SYT1: variants seen among roughly 807,000 people sequenced by gnomAD.
SYT1 encodes synaptotagmin 1.
In SYT1, 8 loss-of-function variants were observed where a neutral mutation model predicts 44.8. That is an observed-to-expected ratio of 0.18 (90% CI 0.10 to 0.32). The LOEUF (loss-of-function observed/expected upper bound fraction) is 0.32. SYT1 is among the 10% of genes least tolerant of loss of function. The pLI is 1.00. For missense variants in SYT1, 286 were observed against 509.3 expected (o/e 0.56, Z 4.22); for synonymous variants, 154 against 188.8 (o/e 0.82, Z 1.51).
chr12:78,942,984 C>T (rs1380410193), intron 1 of SYT1, among the ~76,000 whole-genome samples: 2 of 152,192 alleles, frequency 1.3e-5, no homozygotes. Context: ...CTGACCAGGG[C>T]TTTCCTATGT....
intron 4 of SYT1, among the ~76,000 whole-genome samples, chr12:79,280,924 A>C (rs184421186): frequency 1.2e-4 from 19 of 152,132 alleles, no homozygotes; most frequent in African/African-American, 4.3e-4. Flanking sequence ...TCATCAGAGA[A>C]ATAAAAATTA....
At position 79,315,433 on chromosome 12, in the gene SYT1, C is replaced by A. The variant is rs1881034586; in HGVS notation, c.810+15882C>A. 2.6e-5 allele frequency among the ~76,000 whole-genome samples: 4 copies of A among 152,030 alleles called. No individual in the cohort carries two copies. The South Asian group carries it at 8.3e-4, about 32-fold the overall frequency. On this transcript the variant is annotated intron_variant, in intron 8 of 10. Transcript: ENST00000261205. Reference sequence around the variant, plus strand: ...GATCTTACTATGTTACTCAGTTTGGCCTCAAACTCCTGGCCTCAAACAATC... The same window carrying A: ...GATCTTACTATGTTACTCAGTTTGGACTCAAACTCCTGGCCTCAAACAATC...
intron 2 of SYT1, among the ~76,000 whole-genome samples, chr12:79,040,599 T>C (rs1368933858): frequency 6.6e-6 from 1 of 151,956 alleles, no homozygotes; most frequent in African/African-American, 2.4e-5. Flanking sequence ...TGGTAGTTTC[T>C]TTTGCTGTGC....
In SYT1 at chr12:78,965,127, A is replaced by T. The variant is rs143867977; in HGVS notation, c.-216-12672A>T. ...TTTGTAAAATTTGTAAATTTAAATG[A>T]TTCAAAAATTTTATATTCACTTTAA... is the stretch of plus-strand genomic sequence containing the variant. On this transcript the variant is annotated intron_variant, in intron 1 of 10. Coordinates refer to ENST00000261205, the MANE Select transcript of SYT1 (RefSeq NM_005639.3). Among the ~76,000 whole-genome samples, 112 of 152,262 alleles carry T rather than the reference A, an allele frequency of 7.4e-4. 1 individual carries two copies. The East Asian group carries it at 0.017, about 23-fold the overall frequency.
chr12:79,128,147 C>A (rs1355488217), intron 3 of SYT1, among the ~76,000 whole-genome samples: 1 of 152,158 alleles, frequency 6.6e-6, no homozygotes, highest in Non-Finnish European at 1.5e-5. Context: ...AATCCCAGAA[C>A]TTTGGGAGGC....
chr12:78,988,118 T>C (rs1015056194), intron 2 of SYT1, among the ~76,000 whole-genome samples: 2 of 152,006 alleles, frequency 1.3e-5, no homozygotes, highest in African/African-American at 4.8e-5. Context: ...ATTAATTCAC[T>C]CACTGAACAA....
At chr12:79,287,961 A>G (rs1879393695) in intron 5 of SYT1, among the ~76,000 whole-genome samples, 1 of 152,166 alleles carries the variant, frequency 6.6e-6, no homozygotes, top group Non-Finnish European at 1.5e-5. Context: ...AGATGTTTTC[A>G]GTTATTTTAG....
intron 1 of SYT1, among the ~76,000 whole-genome samples, chr12:78,928,469 CT>C (rs975065404): frequency 6.6e-6 from 1 of 151,770 alleles, no homozygotes; most frequent in Non-Finnish European, 1.5e-5. Context: ...CCTCAGCATA[CT>C]TTTTTTTTCT....
intron 2 of SYT1, among the ~76,000 whole-genome samples, chr12:78,980,076 A>G (rs986280661): frequency 1.3e-5 from 2 of 152,118 alleles, no homozygotes; most frequent in Admixed American, 6.6e-5. Flanking sequence ...GAATATTTCC[A>G]TATTATCTAA....
intron 1 of SYT1, among the ~76,000 whole-genome samples, chr12:78,971,917 CT>C (rs551453335): frequency 2.5e-3 from 384 of 152,150 alleles, no homozygotes; most frequent in Non-Finnish European, 4.2e-3. Context: ...TTTTAAGGGT[CT>C]GGTGAAAATG....
In SYT1 at chr12:79,283,077, C is replaced by G. The variant is rs186188035; in HGVS notation, c.167-2710C>G. On this transcript the variant is annotated intron_variant, in intron 4 of 10. Transcript: ENST00000261205. ...AATTTTAACATGAGCATCCAAGTAA[C>G]TCTATTTACTAAAAATGGCTGTTTC... 1.9e-3 allele frequency among the ~76,000 whole-genome samples: 293 copies of G among 152,200 alleles called. 1 individual carries two copies. The highest frequency in any genetic ancestry group is 6.6e-3 in the African/African-American group (275 of 41,556).
At chr12:79,170,468 A>G (rs1871448913) in intron 3 of SYT1, among the ~76,000 whole-genome samples, 2 of 151,836 alleles carry the variant, frequency 1.3e-5, no homozygotes, top group South Asian at 4.2e-4. Context: ...AACTTTTTTT[A>G]TATGATTTTT....
intron 3 of SYT1, among the ~76,000 whole-genome samples, chr12:79,065,611 C>A (rs1425419916): frequency 1.3e-5 from 2 of 151,788 alleles, no homozygotes; most frequent in Non-Finnish European, 2.9e-5. Context: ...ATAAAAAAAT[C>A]TTGAGGAAAA....
chr12:78,980,682 A>G (rs1592629006), intron 2 of SYT1, among the ~76,000 whole-genome samples: 1 of 152,224 alleles, frequency 6.6e-6, no homozygotes, highest in Non-Finnish European at 1.5e-5. Flanking sequence ...GTAAAATTAC[A>G]TAAGTTATAA....
chr12:79,107,830 C>T (rs999697341), intron 3 of SYT1, among the ~76,000 whole-genome samples: 4 of 151,756 alleles, frequency 2.6e-5, no homozygotes, highest in South Asian at 2.1e-4. Context: ...CTAAAACATA[C>T]CCAGAAACAA....
At chr12:79,424,469 T>C (rs931840986) in intron 9 of SYT1, among the ~76,000 whole-genome samples, 1 of 152,208 alleles carries the variant, frequency 6.6e-6, no homozygotes, top group Admixed American at 6.5e-5. Context: ...GTAGAGAGGG[T>C]AGTACAAACA....
chr12:79,228,843 C>G (rs1478543169), intron 4 of SYT1, among the ~76,000 whole-genome samples: 1 of 152,184 alleles, frequency 6.6e-6, no homozygotes, highest in Non-Finnish European at 1.5e-5. Context: ...CTGGATTCCC[C>G]TTCCCCAGTA....
chr12:79,365,165 T>C (rs1327231882), intron 9 of SYT1, among the ~76,000 whole-genome samples: 1 of 152,100 alleles, frequency 6.6e-6, no homozygotes, highest in East Asian at 1.9e-4. Flanking sequence ...TCTTTCTGCT[T>C]ATATCAATTC....
chr12:79,272,868 G>A (rs1407264117), intron 4 of SYT1, among the ~76,000 whole-genome samples: 2 of 152,080 alleles, frequency 1.3e-5, no homozygotes, highest in Admixed American at 1.3e-4. Flanking sequence ...TTTTAAGAAG[G>A]ATTATGTGAT....
Sources: allele counts gnomAD v4.1 joint callset (sites outside exome capture counted in the v4.1 genomes callset), GRCh38; gene constraint gnomAD v4.1.1; transcripts MANE v1.5; gene names NCBI Gene and HGNC (gene_info 2026-07-23, HGNC 2026-07-21).